The following MGMT variants were observed in gnomAD, a reference collection of about 807,000 sequenced individuals.
The protein encoded by MGMT is methylated-DNA--protein-cysteine methyltransferase.
In MGMT, 14 loss-of-function variants were observed where a neutral mutation model predicts 15.9. The ratio of observed to expected loss-of-function variants is 0.88; its 90% CI spans 0.58 to 1.37. The LOEUF (loss-of-function observed/expected upper bound fraction) is 1.37. Among genes scored for constraint, MGMT ranks in the 40% most tolerant of loss-of-function variants. The pLI, the probability that MGMT is intolerant of heterozygous loss-of-function variation, is 0.00. For synonymous variants in MGMT, 130 were observed against 118.2 expected (o/e 1.10, Z -0.65); for missense variants, 282 against 268.1 (o/e 1.05, Z -0.36).
rs1589870437 is a variant in MGMT, at chr10:129,566,548, G to A, written c.125+30171G>A. 1.3e-5 allele frequency among the ~76,000 whole-genome samples: 2 copies of A among 152,236 alleles called. No homozygotes were observed. The highest frequency in any genetic ancestry group is 3.4e-3 in the Middle Eastern group (1 of 294). ...TTCCCATTCCGTGTCTCTCTGGAGG[G>A]CCCATCATCATCCTGGTGGAGGTGT... On this transcript the variant is annotated intron_variant, in intron 2 of 4. Transcript: ENST00000651593. The surrounding 1 kb of genome is among the most constrained non-coding windows in gnomAD (Gnocchi z 4.1).
chr10:129,513,527 C>A (rs1435114371), intron 1 of MGMT, among the ~76,000 whole-genome samples: 1 of 152,162 alleles, frequency 6.6e-6, no homozygotes, highest in African/African-American at 2.4e-5. Flanking sequence ...CAGCTCAGAG[C>A]AGGAGGCCCA....
intron 3 of MGMT, among the ~76,000 whole-genome samples, chr10:129,754,617 T>C (rs79612733): frequency 0.076 from 11,607 of 152,254 alleles, 674 homozygotes; most frequent in Admixed American, 0.14. Flanking sequence ...AGGTAATTGA[T>C]AAAGAATAGG....
At chr10:129,646,754 A>ATATATATTTTTTT in intron 2 of MGMT, among the ~76,000 whole-genome samples, 5 of 86,670 alleles carry the variant, frequency 5.8e-5, no homozygotes, top group Non-Finnish European at 1.0e-4. Context: ...ATATATATAT[A>ATATATATTTTTTT]TTTTCAGGGA....
intron 2 of MGMT, among the ~76,000 whole-genome samples, chr10:129,582,706 A>C (rs1846570964): frequency 6.6e-6 from 1 of 152,024 alleles, no homozygotes. Context: ...AATCCCCGGC[A>C]GTTTCCCCCT....
intron 2 of MGMT, among the ~76,000 whole-genome samples, chr10:129,551,891 C>T (rs1846161680): frequency 6.6e-6 from 1 of 152,150 alleles, no homozygotes; most frequent in African/African-American, 2.4e-5. Context: ...CCCCAGGCCA[C>T]AGAAACCACG....
intron 2 of MGMT, among the ~76,000 whole-genome samples, chr10:129,650,423 C>T (rs560172181): frequency 6.6e-6 from 1 of 152,274 alleles, no homozygotes; most frequent in South Asian, 2.1e-4. Flanking sequence ...GCTATTCTTA[C>T]CTTTGGGCTT....
chr10:129,516,940 C>T (rs191366289), intron 1 of MGMT, among the ~76,000 whole-genome samples: 16 of 152,260 alleles, frequency 1.1e-4, no homozygotes, highest in African/African-American at 1.4e-4. Context: ...ATGTAAATAC[C>T]AACTCTTATA....
At chr10:129,732,949 G>T (rs893867580) in intron 3 of MGMT, among the ~76,000 whole-genome samples, 2 of 150,110 alleles carry the variant, frequency 1.3e-5, no homozygotes, top group African/African-American at 4.9e-5. Flanking sequence ...TCTTAATCCA[G>T]TCTATCATTG....
At chr10:129,647,424 C>T (rs1419155575) in intron 2 of MGMT, among the ~76,000 whole-genome samples, 1 of 152,188 alleles carries the variant, frequency 6.6e-6, no homozygotes, top group Non-Finnish European at 1.5e-5. Context: ...ATGCACTTGG[C>T]TGTGTGTGTC....
At chr10:129,764,299 C>T (rs1848908263) in intron 4 of MGMT, among the ~76,000 whole-genome samples, 1 of 152,236 alleles carries the variant, frequency 6.6e-6, no homozygotes, top group African/African-American at 2.4e-5. Flanking sequence ...GGCACACCCG[C>T]TCCCAGGGGC....
chr10:129,483,581 A>G (rs1845380569), intron 1 of MGMT, among the ~76,000 whole-genome samples: 1 of 152,024 alleles, frequency 6.6e-6, no homozygotes, highest in South Asian at 2.1e-4. Flanking sequence ...ATGTTGTTCC[A>G]TTGTGTTCTG....
rs1564857819 is a variant in MGMT at position 129,577,444 on chromosome 10, CT to C, written c.125+41069del. On this transcript the variant is annotated intron_variant, in intron 2 of 4. Coordinates refer to ENST00000651593, the MANE Select transcript of MGMT (RefSeq NM_002412.5). The stretch of plus-strand genomic sequence containing the variant: ...AAAAGAAGAAATGGGGAAAGGATTC[CT>C]TATTTAATAAATGGTGCTGGGAAAA... 2.6e-5 allele frequency among the ~76,000 whole-genome samples: 4 copies of C among 152,276 alleles called. No homozygotes were observed. The East Asian group carries it at 5.8e-4, about 22-fold the overall frequency.
chr10:129,620,628 T>A (rs931629844), intron 2 of MGMT, among the ~76,000 whole-genome samples: 2 of 152,358 alleles, frequency 1.3e-5, no homozygotes, highest in African/African-American at 2.4e-5. Flanking sequence ...TACTTTGATA[T>A]TAATATTGCT....
intron 2 of MGMT, among the ~76,000 whole-genome samples, chr10:129,571,912 G>A (rs955639730): frequency 7.2e-5 from 11 of 152,262 alleles, no homozygotes; most frequent in East Asian, 5.8e-4. Context: ...TCGTTAGTGC[G>A]ACAGCGGGCT....
intron 1 of MGMT, among the ~76,000 whole-genome samples, chr10:129,477,840 G>A (rs564415257): frequency 1.3e-5 from 2 of 152,302 alleles, no homozygotes; most frequent in South Asian, 4.1e-4. Flanking sequence ...AACTCATCAA[G>A]GGATTGTGTA....
chr10:129,764,176 T>G (rs1281231101), intron 4 of MGMT, among the ~76,000 whole-genome samples: 1 of 152,326 alleles, frequency 6.6e-6, no homozygotes, highest in Middle Eastern at 3.4e-3. Context: ...TTAACAGCTT[T>G]ATGAACTTGG....
Position 129,575,330 on chromosome 10 carries a change from C to T in MGMT, c.125+38953C>T, listed in dbSNP as rs1846467605. ...GTAAAAGAACAGAAATTGTAACAAA[C>T]TGTCTCTCAGACCACAGTGCAATCA... On this transcript the variant is annotated intron_variant, in intron 2 of 4. Transcript: ENST00000651593. 2.0e-5 allele frequency among the ~76,000 whole-genome samples: 3 copies of T among 152,258 alleles called. No homozygotes were observed. The South Asian group carries it at 6.2e-4, about 32-fold the overall frequency.
intron 2 of MGMT, among the ~76,000 whole-genome samples, chr10:129,563,174 A>G (rs959785855): frequency 6.6e-6 from 1 of 152,118 alleles, no homozygotes; most frequent in Non-Finnish European, 1.5e-5. Flanking sequence ...TTTAACTTTC[A>G]CTGAATGTAT....
At chr10:129,565,636 A>G (rs1025086069) in intron 2 of MGMT, among the ~76,000 whole-genome samples, 5 of 152,114 alleles carry the variant, frequency 3.3e-5, no homozygotes, top group African/African-American at 1.2e-4. Flanking sequence ...CGCACCTGTA[A>G]CAGGAGCCGC....
Sources: allele counts gnomAD v4.1 joint callset (sites outside exome capture counted in the v4.1 genomes callset), GRCh38; gene constraint gnomAD v4.1.1; non-coding constraint Gnocchi (gnomAD v3.1); transcripts MANE v1.5; gene names NCBI Gene and HGNC (gene_info 2026-07-23, HGNC 2026-07-21).